The following TSPAN9 variants were observed in gnomAD, a reference collection of about 807,000 sequenced individuals.
TSPAN9 encodes the protein tetraspanin 9.
In TSPAN9, 16 loss-of-function variants were observed where a neutral mutation model predicts 31.0. That is an observed-to-expected ratio of 0.52 (90% CI 0.35 to 0.78). The LOEUF (loss-of-function observed/expected upper bound fraction) is 0.78. Ranked by LOEUF, TSPAN9 falls within the 30% of genes least tolerant of loss-of-function variation. TSPAN9 has a pLI of 0.01. For missense variants in TSPAN9, 272 were observed against 312.5 expected (o/e 0.87, Z 0.98); for synonymous variants, 145 against 121.6 (o/e 1.19, Z -1.27).
chr12:3,150,484 G>A (rs1293274029), intron 2 of TSPAN9, among the ~76,000 whole-genome samples: 1 of 152,180 alleles, frequency 6.6e-6, no homozygotes, highest in East Asian at 1.9e-4. Flanking sequence ...CTGTGGCCCG[G>A]TGTGAATCTT....
At chr12:3,242,392 C>T (rs1248773555) in intron 3 of TSPAN9, among the ~76,000 whole-genome samples, 1 of 152,336 alleles carries the variant, frequency 6.6e-6, no homozygotes, top group South Asian at 2.1e-4. Flanking sequence ...CCCAGCCAGC[C>T]CCACCTCCCA....
chr12:3,151,603 C>T (rs1279595543), intron 2 of TSPAN9: 1 of 152,254 alleles, frequency 6.6e-6, no homozygotes. Flanking sequence ...TAATGGCCTG[C>T]AAGACTTGGC....
chr12:3,152,792 T>A (rs1565594564), intron 2 of TSPAN9, among the ~76,000 whole-genome samples: 1 of 152,234 alleles, frequency 6.6e-6, no homozygotes, highest in Non-Finnish European at 1.5e-5. Context: ...TTCACCATGT[T>A]GGCCAGGCTG....
chr12:3,282,995 G>T (rs1241115323), intron 8 of TSPAN9, 50 bp from the exon 9 acceptor site: 1 of 1,594,070 alleles, frequency 6.3e-7, no homozygotes, highest in Non-Finnish European at 8.5e-7. Flanking sequence ...GCTGAGGTCA[G>T]GTCCAGGCTG....
intron 3 of TSPAN9, among the ~76,000 whole-genome samples, chr12:3,227,323 T>G (rs2098388388): frequency 6.6e-6 from 1 of 152,190 alleles, no homozygotes; most frequent in Non-Finnish European, 1.5e-5. Flanking sequence ...CTGCGCAGCC[T>G]GGGCCATTTT....
intron 3 of TSPAN9, among the ~76,000 whole-genome samples, chr12:3,253,696 G>C (rs552572443): frequency 1.3e-5 from 2 of 152,358 alleles, no homozygotes; most frequent in East Asian, 3.9e-4. Flanking sequence ...GTGGGAATTG[G>C]GATCTGGCGA....
At chr12:3,089,410 C>T (rs1480615918) in intron 2 of TSPAN9, among the ~76,000 whole-genome samples, 2 of 149,298 alleles carry the variant, frequency 1.3e-5, no homozygotes, top group East Asian at 2.1e-4. Flanking sequence ...GATTCTCCTG[C>T]CTCAGCCTCC....
At chr12:3,269,981 C>T (rs529925405) in intron 3 of TSPAN9, among the ~76,000 whole-genome samples, 107 of 152,318 alleles carry the variant, frequency 7.0e-4, no homozygotes, top group African/African-American at 2.5e-3. Flanking sequence ...AATGATCACT[C>T]CTCTTCTACA....
At chr12:3,083,478 CTGAGTGG>C (rs2098298894) in intron 1 of TSPAN9, among the ~76,000 whole-genome samples, 168 bp from the exon 2 acceptor site, 1 of 152,210 alleles carries the variant, frequency 6.6e-6, no homozygotes, top group Non-Finnish European at 1.5e-5. Flanking sequence ...CCACCGCCAA[CTGAGTGG>C]CATTAGCACA....
intron 2 of TSPAN9, among the ~76,000 whole-genome samples, chr12:3,178,785 G>T (rs544312575): frequency 2.0e-5 from 3 of 152,308 alleles, no homozygotes; most frequent in African/African-American, 7.2e-5. Flanking sequence ...CTCTGGTCGC[G>T]CTCACTTGCC....
At chr12:3,176,224 A>ACGG (rs1366592871) in intron 2 of TSPAN9, among the ~76,000 whole-genome samples, 11 of 152,332 alleles carry the variant, frequency 7.2e-5, no homozygotes, top group Non-Finnish European at 1.3e-4. Flanking sequence ...ATCGAGCCTT[A>ACGG]CGGAGCAGTG....
intron 2 of TSPAN9, among the ~76,000 whole-genome samples, chr12:3,116,880 C>T (rs1348608364): frequency 1.3e-5 from 2 of 152,236 alleles, no homozygotes; most frequent in African/African-American, 2.4e-5. Context: ...CCTCTGTGGC[C>T]GCCCTTGGAC....
intron 3 of TSPAN9, among the ~76,000 whole-genome samples, chr12:3,209,226 C>T (rs1352278558): frequency 8.5e-6 from 1 of 118,180 alleles, no homozygotes; most frequent in Non-Finnish European, 1.8e-5. Flanking sequence ...CAGAGTGAGA[C>T]TCCATCTCAA....
intron 2 of TSPAN9, among the ~76,000 whole-genome samples, chr12:3,117,361 C>T (rs999243743): frequency 1.3e-4 from 20 of 152,074 alleles, no homozygotes; most frequent in African/African-American, 4.1e-4. Flanking sequence ...GAGATTGTGG[C>T]GAGTGGCTCA....
chr12:3,282,144 C>G, intron 8 of TSPAN9: 1 of 614,114 alleles, frequency 1.6e-6, no homozygotes, highest in Admixed American at 2.6e-5. Flanking sequence ...ACACGGTGTC[C>G]CCCGGTCACC....
chr12:3,256,594 C>T (rs966688816), intron 3 of TSPAN9, among the ~76,000 whole-genome samples: 1 of 152,180 alleles, frequency 6.6e-6, no homozygotes, highest in Non-Finnish European at 1.5e-5. Flanking sequence ...AGGTTAAATT[C>T]GGCCTTGTTG....
chr12:3,219,124 G>T (rs959217288), intron 3 of TSPAN9, among the ~76,000 whole-genome samples: 2 of 152,252 alleles, frequency 1.3e-5, no homozygotes, highest in Non-Finnish European at 2.9e-5. Context: ...GAGGCCGGAC[G>T]GTGTAGTGGC....
At chr12:3,206,042 G>C (rs577615908) in intron 3 of TSPAN9, among the ~76,000 whole-genome samples, 1 of 152,338 alleles carries the variant, frequency 6.6e-6, no homozygotes, top group South Asian at 2.1e-4. Context: ...TTGAAAAAGG[G>C]TAAGCAGCTC....
chr12:3,138,689 T>C (rs998651480), intron 2 of TSPAN9, among the ~76,000 whole-genome samples: 3 of 151,918 alleles, frequency 2.0e-5, no homozygotes, highest in Non-Finnish European at 4.4e-5. Context: ...AGATGGGGTT[T>C]CGTCATGTTG....
Sources: allele counts gnomAD v4.1 joint callset (sites outside exome capture counted in the v4.1 genomes callset), GRCh38; gene constraint gnomAD v4.1.1; transcripts MANE v1.5; gene names NCBI Gene and HGNC (gene_info 2026-07-23, HGNC 2026-07-21).